PCDHA13: variants seen among roughly 807,000 people sequenced by gnomAD.
The protein encoded by PCDHA13 is protocadherin alpha 13.
In PCDHA13, 54 loss-of-function variants were observed where a neutral mutation model predicts 64.8. The ratio of observed to expected loss-of-function variants is 0.83; its 90% confidence interval spans 0.67 to 1.04. The LOEUF (loss-of-function observed/expected upper bound fraction) is 1.04. PCDHA13 is among the 50% of genes least tolerant of loss of function. The pLI is 0.00. For synonymous variants in PCDHA13, 587 were observed against 564.4 expected (o/e 1.04, Z -0.57); for missense variants, 1,248 against 1,254.3 (o/e 0.99, Z 0.08).
intron 1 of PCDHA13, among the ~76,000 whole-genome samples, chr5:140,956,546 G>A (rs1330264002): frequency 1.3e-5 from 2 of 152,158 alleles, no homozygotes; most frequent in Non-Finnish European, 2.9e-5. Flanking sequence ...GCTGGATTTG[G>A]TTTGCCAGTA....
intron 1 of PCDHA13, among the ~76,000 whole-genome samples, chr5:140,973,831 C>T (rs1212841510): frequency 1.3e-5 from 2 of 152,214 alleles, no homozygotes; most frequent in African/African-American, 4.8e-5. Flanking sequence ...GTTCTGGGTA[C>T]TTGCTTGTTG....
At chr5:140,964,548 G>C (rs1468417797) in intron 1 of PCDHA13, among the ~76,000 whole-genome samples, 1 of 152,102 alleles carries the variant, frequency 6.6e-6, no homozygotes, top group East Asian at 1.9e-4. Context: ...AGATGGCAGC[G>C]ACTTGGAGGG....
chr5:140,974,945 A>G (rs2096646889), intron 1 of PCDHA13, among the ~76,000 whole-genome samples: 1 of 152,180 alleles, frequency 6.6e-6, no homozygotes, highest in African/African-American at 2.4e-5. Flanking sequence ...CCTATTTGTT[A>G]TCTCACAGTC....
In PCDHA13 at chr5:140,883,331, T is replaced by C. The variant is rs782330597; in HGVS notation, c.1063T>C (p.Leu355=). 1 of 1,614,064 alleles carries C rather than the reference T, an allele frequency of 6.2e-7. No individual in the cohort carries two copies. The highest frequency in any genetic ancestry group is 2.2e-5 in the East Asian group (1 of 44,888). The change falls in exon 1 of 4, where the codon TTG becomes CTG. Residue 355 remains leucine (L), a synonymous_variant. Coordinates refer to ENST00000289272, the MANE Select transcript of PCDHA13 (RefSeq NM_018904.3). ...CGCCCCAGAGGTTACCATCACTTCT[T>C]TGTCACTCCCCATCAGAGAAGACAC... is the stretch of plus-strand genomic sequence containing the variant. ...DNAPEVTITS[L]SLPIREDTQP...
In PCDHA13 at chr5:140,919,966, A is replaced by G. The variant is rs1472155046; in HGVS notation, c.2394+35304A>G. Among the ~76,000 whole-genome samples, 3 of 139,590 alleles carry G rather than the reference A, an allele frequency of 2.1e-5. No homozygotes were observed. The East Asian group carries it at 7.1e-4, about 33-fold the overall frequency. The allele number at this position is 139,590 out of a possible 152,430, so 91.6% of individuals were successfully genotyped here. On this transcript the variant is annotated intron_variant, in intron 1 of 3. Transcript: ENST00000289272. ...GTGAAAAGTTTGTTTTGTTTTTTAA[A>G]TAAGAGATAGAAGATGGAAAACAGA...
intron 1 of PCDHA13, among the ~76,000 whole-genome samples, chr5:140,893,672 T>G (rs1554185735): frequency 6.6e-6 from 1 of 152,216 alleles, no homozygotes; most frequent in African/African-American, 2.4e-5. Flanking sequence ...ATTTCAGCAC[T>G]TTGGATATAT....
At chr5:140,893,657 A>T (rs1046030357) in intron 1 of PCDHA13, among the ~76,000 whole-genome samples, 19 of 152,126 alleles carry the variant, frequency 1.2e-4, no homozygotes, top group Non-Finnish European at 2.2e-4. Context: ...TGATAGTTTT[A>T]AAAAATTTCA....
intron 1 of PCDHA13, among the ~76,000 whole-genome samples, chr5:140,952,114 A>G (rs246038): frequency 0.56 from 85,531 of 151,814 alleles, 24,721 homozygotes; most frequent in African/African-American, 0.69. Flanking sequence ...CGTGTGAGGG[A>G]TGGGCTCCCA....
chr5:140,892,661 T>A (rs2063613573), intron 1 of PCDHA13, among the ~76,000 whole-genome samples: 1 of 152,232 alleles, frequency 6.6e-6, no homozygotes, highest in Non-Finnish European at 1.5e-5. Flanking sequence ...CAGAGTGACA[T>A]TTTGATACAT....
intron 3 of PCDHA13, chr5:140,989,066 C>T (rs2097328502): frequency 6.6e-6 from 1 of 152,200 alleles, no homozygotes; most frequent in South Asian, 2.1e-4. Flanking sequence ...TGAGGCAATA[C>T]AGTCTGGCCT....
chr5:140,901,953 G>A (rs545807968), intron 1 of PCDHA13, among the ~76,000 whole-genome samples: 8 of 151,830 alleles, frequency 5.3e-5, no homozygotes, highest in Non-Finnish European at 7.4e-5. Flanking sequence ...AGTTTTATTC[G>A]TGGCTATCGT....
intron 3 of PCDHA13, among the ~76,000 whole-genome samples, chr5:141,007,395 CAAA>C (rs35800918): frequency 0.057 from 5,421 of 94,854 alleles, 127 homozygotes; most frequent in South Asian, 0.13. Context: ...TACTAAAATA[CAAA>C]AAAAAAAAAA....
intron 1 of PCDHA13, among the ~76,000 whole-genome samples, chr5:140,924,896 AAAAAAAAAATAAAATAAAAT>A (rs1488372568): frequency 0.024 from 1,693 of 69,132 alleles, 31 homozygotes; most frequent in African/African-American, 0.08. Context: ...ACCTGTCTCA[AAAAAAAAAATAAAATAAAAT>A]AAAATAAAAT....
intron 1 of PCDHA13, among the ~76,000 whole-genome samples, chr5:140,974,549 T>C (rs373257165): frequency 6.6e-6 from 1 of 152,216 alleles, no homozygotes; most frequent in African/African-American, 2.4e-5. Context: ...TTTGCTCTTG[T>C]TGCCCAGGCT....
chr5:140,997,719 C>T (rs1456038917), intron 3 of PCDHA13, among the ~76,000 whole-genome samples: 1 of 150,932 alleles, frequency 6.6e-6, no homozygotes, highest in East Asian at 1.9e-4. Context: ...CACCTTTCTA[C>T]GTCAGTACAT....
In PCDHA13 at chr5:140,882,358, G is replaced by A; in HGVS notation, c.90G>A (p.Gln30=). 3 of 1,614,232 alleles carry A rather than the reference G, an allele frequency of 1.9e-6. No individual in the cohort carries two copies. Among genetic ancestry groups the A allele is most frequent in the Non-Finnish European group, 2.5e-6 (3 of 1,180,026 alleles). The change falls in exon 1 of 4, where the codon CAG becomes CAA. Residue 30 remains glutamine (Q), a synonymous_variant. Coordinates refer to ENST00000289272, the MANE Select transcript of PCDHA13 (RefSeq NM_018904.3). ...CAGCCTGGGAGACGGGTAGTGGCCA[G>A]CTCCACTACTCCGTCCCCGAGGAAG... ...ILAAWETGSG[Q]LHYSVPEEAK...
intron 1 of PCDHA13, among the ~76,000 whole-genome samples, chr5:140,903,758 T>TCCACCAAAGCCCAGTAATAGGCCAAGA (rs2070567163): frequency 6.6e-6 from 1 of 152,218 alleles, no homozygotes; most frequent in Non-Finnish European, 1.5e-5. Flanking sequence ...CCTTGATTTT[T>TCCACCAAAGCCCAGTAATAGGCCAAGA]GCTGAACTTT....
In PCDHA13 at chr5:140,883,075, T is replaced by A. The variant is rs969917261; in HGVS notation, c.807T>A (p.Pro269=). ...TGATCAAGCTAAATGCCACAGATCC[T>A]GATGATGGTACAAATGGAGATATAG... ...TLVIKLNATD[P]DDGTNGDIVY... is the part of the protein sequence containing the mutation. Residue 269 remains proline, a synonymous_variant, in exon 1 of 4, where the codon CCT becomes CCA. Transcript: ENST00000289272. The A allele has an allele frequency of 5.0e-6, 8 of 1,614,134 alleles. No individual in the cohort carries two copies. The highest frequency in any genetic ancestry group is 6.8e-6 in the Non-Finnish European group (8 of 1,180,034).
At chr5:140,967,519 C>T (rs147791062) in intron 1 of PCDHA13, 1 of 1,612,804 alleles carries the variant, frequency 6.2e-7, no homozygotes, top group Non-Finnish European at 8.5e-7. Flanking sequence ...TGGACACTAA[C>T]GACAACTCTC....
Sources: allele counts gnomAD v4.1 joint callset (sites outside exome capture counted in the v4.1 genomes callset), GRCh38; gene constraint gnomAD v4.1.1; transcripts MANE v1.5; gene names NCBI Gene and HGNC (gene_info 2026-07-23, HGNC 2026-07-21).